PCCA: variants seen among roughly 807,000 people sequenced by gnomAD.
The protein encoded by PCCA is propionyl-CoA carboxylase alpha chain, mitochondrial.
In PCCA, 74 loss-of-function variants were observed where a neutral mutation model predicts 101.3. That is an observed-to-expected ratio of 0.73 (90% CI 0.61 to 0.89). The LOEUF (loss-of-function observed/expected upper bound fraction) is 0.89. Among genes scored for constraint, PCCA ranks in the 40% least tolerant of loss-of-function variants. PCCA has a pLI of 0.00. For missense variants in PCCA, 891 were observed against 907.0 expected (o/e 0.98, Z 0.23); for synonymous variants, 294 against 313.6 (o/e 0.94, Z 0.66).
chr13:100,478,796 A>G (rs1024312913), intron 21 of PCCA, among the ~76,000 whole-genome samples: 12 of 152,182 alleles, frequency 7.9e-5, no homozygotes, highest in South Asian at 2.1e-4. Flanking sequence ...GCCTTTCTGG[A>G]TAAGCCTAGT....
chr13:100,495,107 A>C (rs1291933214), intron 21 of PCCA, among the ~76,000 whole-genome samples: 2 of 151,908 alleles, frequency 1.3e-5, no homozygotes, highest in East Asian at 3.9e-4. Context: ...GCTGGGAGGG[A>C]GTGCTATGGC....
At chr13:100,307,090 T>G (rs951440645) in intron 14 of PCCA, 102 bp from the exon 15 acceptor site, 16 of 778,336 alleles carry the variant, frequency 2.1e-5, no homozygotes, top group Non-Finnish European at 3.3e-5. Context: ...TATTTGAGAT[T>G]GAAATTCTCT....
At chr13:100,408,046 G>A (rs2077795020) in intron 19 of PCCA, among the ~76,000 whole-genome samples, 1 of 152,158 alleles carries the variant, frequency 6.6e-6, no homozygotes, top group Admixed American at 6.5e-5. Flanking sequence ...CAGCTACTGT[G>A]GAGGCTGAGG....
At chr13:100,361,459 T>TA (rs781588470) in intron 18 of PCCA, among the ~76,000 whole-genome samples, 1 of 150,696 alleles carries the variant, frequency 6.6e-6, no homozygotes, top group Admixed American at 6.6e-5. Context: ...TTTTTTTTTT[T>TA]AAATCTGCTG....
chr13:100,275,920 T>G (rs2063621856), intron 12 of PCCA, among the ~76,000 whole-genome samples: 1 of 152,162 alleles, frequency 6.6e-6, no homozygotes, highest in Non-Finnish European at 1.5e-5. Context: ...AGGCCATTTC[T>G]CTTATTATTT....
chr13:100,464,842 G>A (rs533661146), intron 21 of PCCA, among the ~76,000 whole-genome samples: 8 of 152,252 alleles, frequency 5.3e-5, no homozygotes, highest in Admixed American at 4.6e-4. Flanking sequence ...ATATTCAGAT[G>A]GAAAGAATGG....
intron 1 of PCCA, among the ~76,000 whole-genome samples, chr13:100,092,910 G>A (rs1009239176): frequency 5.3e-5 from 8 of 152,128 alleles, no homozygotes; most frequent in African/African-American, 1.9e-4. Flanking sequence ...AGTTTCTGGT[G>A]TAAAAAAATG....
intron 12 of PCCA, among the ~76,000 whole-genome samples, 196 bp from the exon 13 acceptor site, chr13:100,301,264 A>T (rs1051785386): frequency 9.2e-5 from 14 of 152,088 alleles, no homozygotes; most frequent in Non-Finnish European, 1.8e-4. Context: ...TTTAGGCCTT[A>T]GTTTTTCTTA....
chr13:100,393,263 A>G (rs1225668791), intron 19 of PCCA, among the ~76,000 whole-genome samples: 1 of 152,158 alleles, frequency 6.6e-6, no homozygotes, highest in Admixed American at 6.5e-5. Context: ...ACACCACATT[A>G]TCCTGTTGGG....
chr13:100,336,386 G>A (rs1456799696), intron 17 of PCCA, among the ~76,000 whole-genome samples: 1 of 152,176 alleles, frequency 6.6e-6, no homozygotes, highest in Non-Finnish European at 1.5e-5. Context: ...CACAGGTCAG[G>A]CTTCTTGAAA....
intron 12 of PCCA, among the ~76,000 whole-genome samples, chr13:100,300,806 G>A (rs1415445789): frequency 6.6e-6 from 1 of 152,242 alleles, no homozygotes; most frequent in African/African-American, 2.4e-5. Context: ...CCAGGTACAT[G>A]CATGACAGCA....
chr13:100,263,465 A>G (rs2062666637), intron 10 of PCCA, among the ~76,000 whole-genome samples: 1 of 152,172 alleles, frequency 6.6e-6, no homozygotes, highest in Non-Finnish European at 1.5e-5. Flanking sequence ...TGGTGTGGAG[A>G]GGGAACCAGA....
intron 19 of PCCA, among the ~76,000 whole-genome samples, chr13:100,371,027 A>G (rs1233317079): frequency 6.6e-6 from 1 of 152,220 alleles, no homozygotes; most frequent in African/African-American, 2.4e-5. Context: ...AGATATTTCT[A>G]ATAAGGAAAG....
At chr13:100,294,796 G>A (rs112288764) in intron 12 of PCCA, among the ~76,000 whole-genome samples, 5,366 of 152,180 alleles carry the variant, frequency 0.035, 336 homozygotes, top group African/African-American at 0.12. Flanking sequence ...CACAAAACAG[G>A]CAACTGACAA....
At chr13:100,300,588 G>A (rs976033473) in intron 12 of PCCA, among the ~76,000 whole-genome samples, 2 of 152,188 alleles carry the variant, frequency 1.3e-5, no homozygotes, top group African/African-American at 4.8e-5. Flanking sequence ...AGCAGATGTG[G>A]CCAAAGTTTT....
At chr13:100,324,794 A>G (rs2068466191) in intron 16 of PCCA, among the ~76,000 whole-genome samples, 1 of 152,214 alleles carries the variant, frequency 6.6e-6, no homozygotes, top group Admixed American at 6.5e-5. Context: ...TGCTTAAAAC[A>G]CCATGTGATG....
At position 100,089,148 on chromosome 13, in the gene PCCA, C is replaced by A. The variant is rs868782658; in HGVS notation, c.28C>A (p.Pro10Thr). 2 of 1,523,778 alleles carry A rather than the reference C, an allele frequency of 1.3e-6. No individual in the cohort carries two copies. The highest frequency in any genetic ancestry group is 1.8e-6 in the Non-Finnish European group (2 of 1,136,568). The allele number at this position is 1,523,778 out of a possible 1,614,324, so 94.4% of individuals were successfully genotyped here. The change falls in exon 1 of 24, where the codon CCG becomes ACG. Residue 10 changes from proline to threonine, a missense_variant. Pro to Thr is a conservative substitution (Grantham distance 38). Transcript: ENST00000376285. MAGFWVGTAPLVAAGRRGRW... is the reference protein window; with the variant it reads MAGFWVGTATLVAAGRRGRW... ...GGCGGGGTTCTGGGTCGGGACAGCA[C>A]CGCTGGTCGCTGCCGGACGGCGTGG...
Position 100,184,139 on chromosome 13 carries a change from T to A in PCCA, c.469-25193T>A, listed in dbSNP as rs1594596185. On this transcript the variant is annotated intron_variant, in intron 6 of 23. Transcript: ENST00000376285. ...GGAGGGCAAAGAGGAAGCAGGCACG[T>A]CTTACATGAACAGAGCAGGACTAAG... 2.6e-5 allele frequency among the ~76,000 whole-genome samples: 4 copies of A among 152,244 alleles called. No individual in the cohort carries two copies. The South Asian group carries it at 8.3e-4, about 32-fold the overall frequency.
At chr13:100,342,705 T>C (rs2071564028) in intron 18 of PCCA, among the ~76,000 whole-genome samples, 1 of 119,328 alleles carries the variant, frequency 8.4e-6, no homozygotes, top group South Asian at 2.6e-4. Flanking sequence ...GATTGCTTTT[T>C]TGGTAAACTT....
Sources: gnomAD v4.1 joint callset for allele counts (sites outside exome capture counted in the v4.1 genomes callset) on GRCh38, gnomAD v4.1.1 for gene constraint, MANE v1.5 for transcripts, NCBI Gene and HGNC (gene_info 2026-07-23, HGNC 2026-07-21) for gene names.